The following RGPD1 variants were observed in gnomAD, a reference collection of about 807,000 sequenced individuals.
RGPD1 encodes RANBP2-like and GRIP domain-containing protein 1.
Under a neutral mutation model 40.6 loss-of-function variants are expected in RGPD1, and 7 were observed. The ratio of observed to expected loss-of-function variants is 0.17; its 90% CI spans 0.10 to 0.32. The LOEUF (loss-of-function observed/expected upper bound fraction) is 0.32, where lower values mean the gene tolerates loss of function less well. Ranked by LOEUF, RGPD1 falls within the 10% of genes least tolerant of loss-of-function variation. The pLI, the probability that RGPD1 is intolerant of heterozygous loss-of-function variation, is 1.00. For missense variants in RGPD1, 50 were observed against 472.5 expected, an observed-to-expected ratio of 0.11 and a Z score of 8.29; for synonymous variants, 24 against 167.0, an observed-to-expected ratio of 0.14 and a Z score of 6.60.
chr2:86,945,529 C>G (rs1245972021), intron 1 of RGPD1, among the ~76,000 whole-genome samples: 1 of 152,128 alleles, frequency 6.6e-6, no homozygotes, highest in African/African-American at 2.4e-5. Flanking sequence ...TGTGATGATG[C>G]GTCTGTATAT....
intron 1 of RGPD1, among the ~76,000 whole-genome samples, chr2:86,914,275 C>T (rs1325523622): frequency 1.7e-4 from 2 of 11,866 alleles, no homozygotes; most frequent in East Asian, 1.7e-3. Flanking sequence ...TCGGCCTTGG[C>T]CTCGGCCGGG....
intron 1 of RGPD1, among the ~76,000 whole-genome samples, chr2:86,932,012 A>G (rs1410637131): frequency 1.3e-5 from 2 of 148,502 alleles, no homozygotes; most frequent in Non-Finnish European, 3.0e-5. Flanking sequence ...TATAACATAT[A>G]GACAGAGAAG....
At chr2:86,928,331 G>T (rs530217698) in intron 1 of RGPD1, among the ~76,000 whole-genome samples, 2 of 152,236 alleles carry the variant, frequency 1.3e-5, no homozygotes, top group African/African-American at 4.8e-5. Context: ...CAAGGGATGT[G>T]GCCAGAGAAT....
Position 86,947,654 on chromosome 2 carries a change from C to G in RGPD1, c.73-3642C>G, listed in dbSNP as rs546191876. ...TGTTTACCTGAAAGCTGGAGTTTCT[C>G]TAATTTTTCTCTTATTCTCCTCTTT... On this transcript the variant is annotated intron_variant, in intron 1 of 22. Coordinates refer to ENST00000641458, the MANE Select transcript of RGPD1 (RefSeq NM_001382344.1). Among the ~76,000 whole-genome samples, 162 of 131,484 alleles carry G rather than the reference C, an allele frequency of 1.2e-3. 11 individuals carry two copies. Among genetic ancestry groups the G allele is most frequent in the African/African-American group, 4.3e-3 (156 of 36,040 alleles). The allele number at this position is 131,484 out of a possible 152,430, so 86.3% of individuals were successfully genotyped here.
At chr2:86,930,786 C>T in intron 1 of RGPD1, 2 of 1,136,772 alleles carry the variant, frequency 1.8e-6, no homozygotes, top group Non-Finnish European at 2.4e-6. Flanking sequence ...AGGACCACAG[C>T]CTCCTCTACC....
upstream of RGPD1, among the ~76,000 whole-genome samples, chr2:86,939,535 C>T (rs1273152219): frequency 0.012 from 1,629 of 134,544 alleles, no homozygotes; most frequent in African/African-American, 0.049. Flanking sequence ...GCCGAGATTG[C>T]GCCACTGGAG....
rs1306962563 is a variant in RGPD1 at position 86,988,457 on chromosome 2, A to C, written c.4900+658A>C. ...CTTTGTCTCCAAAAAAAAAAAAAAA[A>C]AACAAAAAAACAAAAAAAACCATGA... On this transcript the variant is annotated intron_variant, in intron 20 of 22. Coordinates refer to ENST00000641458, the MANE Select transcript of RGPD1 (RefSeq NM_001382344.1). Among the ~76,000 whole-genome samples the C allele has an allele frequency of 1.5e-3, 149 of 101,834 alleles. 15 individuals carry two copies. The highest frequency in any genetic ancestry group is 5.0e-3 in the African/African-American group (145 of 28,770). The allele number at this position is 101,834 out of a possible 152,430, so 66.8% of individuals were successfully genotyped here.
chr2:86,926,119 G>A (rs1203096400), intron 1 of RGPD1, among the ~76,000 whole-genome samples: 21 of 152,348 alleles, frequency 1.4e-4, no homozygotes, highest in Middle Eastern at 3.4e-3. Context: ...TAGACATAGA[G>A]GGGAAAGAGT....
chr2:86,937,333 A>G (rs1235669754), upstream of RGPD1, among the ~76,000 whole-genome samples: 10 of 151,936 alleles, frequency 6.6e-5, no homozygotes, highest in Non-Finnish European at 1.5e-4. Flanking sequence ...TCAGATCTCA[A>G]GGGTCCTTCT....
intron 1 of RGPD1, among the ~76,000 whole-genome samples, chr2:86,935,050 CTA>C (rs1415490131): frequency 6.9e-6 from 1 of 145,022 alleles, no homozygotes; most frequent in African/African-American, 2.5e-5. Flanking sequence ...GTTGCCCAGG[CTA>C]GTTTTGAGCT....
intron 1 of RGPD1, among the ~76,000 whole-genome samples, chr2:86,919,834 A>G (rs1678011620): frequency 6.9e-6 from 1 of 144,652 alleles, no homozygotes; most frequent in Non-Finnish European, 1.5e-5. Flanking sequence ...ACTGGAATGT[A>G]AATTCTAGGA....
chr2:86,923,179 C>T (rs1169708958), intron 1 of RGPD1, among the ~76,000 whole-genome samples: 3 of 148,180 alleles, frequency 2.0e-5, no homozygotes, highest in South Asian at 2.1e-4. Context: ...GCTGGGATTA[C>T]AGGCGCCCGC....
chr2:86,930,163 C>G (rs1044500423), intron 1 of RGPD1: 3 of 1,451,480 alleles, frequency 2.1e-6, no homozygotes, highest in Non-Finnish European at 2.8e-6. Context: ...AGGGGTCACC[C>G]CTGCCCCAGA....
chr2:86,941,835 C>T (rs1169537575), upstream of RGPD1, among the ~76,000 whole-genome samples: 3 of 151,322 alleles, frequency 2.0e-5, 1 homozygote, highest in Middle Eastern at 3.4e-3. Flanking sequence ...CTCAGCCTCC[C>T]GAGTAGCTGG....
At chr2:86,955,967 A>C (rs1680699975) in intron 4 of RGPD1, among the ~76,000 whole-genome samples, 2 of 150,972 alleles carry the variant, frequency 1.3e-5, no homozygotes, top group African/African-American at 4.9e-5. Context: ...AGCACTCTTT[A>C]AAGATTTTCT....
chr2:86,942,299 G>C lies in RGPD1; in HGVS notation c.63G>C (p.Ser21=). Reference sequence around the variant, plus strand: ...CCTCGGTGCAGGGCTCCGCCCCGTCGCCTGGAAAGGTGAGTGGATCTCGAA... The same window carrying C: ...CCTCGGTGCAGGGCTCCGCCCCGTCCCCTGGAAAGGTGAGTGGATCTCGAA... ...YVASVQGSAP[S]PGKKLRGFYF... Residue 21 remains serine (S), a synonymous_variant, in exon 1 of 23, where the codon TCG becomes TCC. Transcript: ENST00000641458. 1 of 1,591,990 alleles carries C rather than the reference G, an allele frequency of 6.3e-7. No individual in the cohort carries two copies. The highest frequency in any genetic ancestry group is 8.5e-7 in the Non-Finnish European group (1 of 1,171,104).
chr2:86,956,162 CTT>C (rs1034894971), intron 4 of RGPD1, among the ~76,000 whole-genome samples: 1 of 111,494 alleles, frequency 9.0e-6, no homozygotes, highest in Non-Finnish European at 1.8e-5. Flanking sequence ...GTTGAGAAGG[CTT>C]TTTCTCTCAA....
At chr2:86,918,100 C>T (rs1319134172) in intron 1 of RGPD1, among the ~76,000 whole-genome samples, 1 of 150,248 alleles carries the variant, frequency 6.7e-6, no homozygotes, top group African/African-American at 2.4e-5. Context: ...TCTTTTTACA[C>T]ACATATTGCT....
At chr2:86,926,333 A>G (rs1678501499) in intron 1 of RGPD1, among the ~76,000 whole-genome samples, 1 of 151,708 alleles carries the variant, frequency 6.6e-6, no homozygotes, top group Non-Finnish European at 1.5e-5. Flanking sequence ...AAAGATAAAT[A>G]TAACCCAAGT....
Sources: allele counts gnomAD v4.1 joint callset (sites outside exome capture counted in the v4.1 genomes callset), GRCh38; gene constraint gnomAD v4.1.1; transcripts MANE v1.5; gene names NCBI Gene and HGNC (gene_info 2026-07-23, HGNC 2026-07-21).